NAV2: variants seen among roughly 807,000 people sequenced by gnomAD.
NAV2 encodes the protein neuron navigator 2.
A neutral mutation model predicts 223.2 loss-of-function variants in NAV2; 54 were observed. That is an observed-to-expected ratio of 0.24 (90% confidence interval 0.19 to 0.30). NAV2 has a LOEUF of 0.30. Among genes scored for constraint, NAV2 ranks in the 10% least tolerant of loss-of-function variants. NAV2 has a pLI of 1.00. For missense variants in NAV2, 2,806 were observed against 3,147.5 expected, an observed-to-expected ratio of 0.89 and a Z score of 2.60; for synonymous variants, 1,279 against 1,239.3, an observed-to-expected ratio of 1.03 and a Z score of -0.67.
At chr11:19,723,414 T>G (rs1281524599) in intron 1 of NAV2, among the ~76,000 whole-genome samples, 3 of 152,124 alleles carry the variant, frequency 2.0e-5, no homozygotes, top group Non-Finnish European at 2.9e-5. Context: ...TGAACTGAGG[T>G]CTTTCTGATT....
At chr11:19,418,749 C>G (rs2702737) in intron 1 of NAV2, among the ~76,000 whole-genome samples, 4 of 151,916 alleles carry the variant, frequency 2.6e-5, no homozygotes, top group Non-Finnish European at 4.4e-5. Flanking sequence ...TTCTAAGGGT[C>G]GTCCAAAGCC....
intron 1 of NAV2, among the ~76,000 whole-genome samples, chr11:19,782,923 C>A (rs373975266): frequency 6.6e-5 from 10 of 152,088 alleles, no homozygotes; most frequent in African/African-American, 2.2e-4. Context: ...GCCCTTGTGA[C>A]CAGAAATAAT....
chr11:20,033,901 T>C (rs1323833040), intron 11 of NAV2, among the ~76,000 whole-genome samples: 1 of 152,194 alleles, frequency 6.6e-6, no homozygotes, highest in Non-Finnish European at 1.5e-5. Flanking sequence ...TGCCACTTTG[T>C]AGGGCTTTCA....
At chr11:19,757,074 T>C (rs1484497229) in intron 1 of NAV2, among the ~76,000 whole-genome samples, 1 of 152,186 alleles carries the variant, frequency 6.6e-6, no homozygotes, top group Non-Finnish European at 1.5e-5. Context: ...CTGTGCCAGC[T>C]GGAAACTGTT....
At chr11:19,867,926 G>A (rs768253409) in intron 3 of NAV2, among the ~76,000 whole-genome samples, 2 of 152,190 alleles carry the variant, frequency 1.3e-5, no homozygotes, top group Non-Finnish European at 2.9e-5. Context: ...CATTTTCTGT[G>A]GCTGTGAAGG....
chr11:19,642,810 G>A (rs552288852), intron 1 of NAV2, among the ~76,000 whole-genome samples: 1 of 152,202 alleles, frequency 6.6e-6, no homozygotes, highest in South Asian at 2.1e-4. Flanking sequence ...GTTAATGTGG[G>A]CACCCATGGC....
Position 19,481,826 on chromosome 11 carries a change from A to G in NAV2, c.75+130799A>G, listed in dbSNP as rs558283673. On this transcript the variant is annotated intron_variant, in intron 1 of 37. Transcript: ENST00000360655. ...GCTTAAAGGCCACTAAATATCTACA[A>G]TGTCTCACAGTTGGCCCACAAAGGT... Among the ~76,000 whole-genome samples, 9 of 152,318 alleles carry G rather than the reference A, an allele frequency of 5.9e-5. 1 individual carries two copies. Among genetic ancestry groups the G allele is most frequent in the East Asian group, 3.9e-4 (2 of 5,180 alleles).
At chr11:19,953,760 A>G (rs1053217230) in intron 10 of NAV2, among the ~76,000 whole-genome samples, 4 of 152,248 alleles carry the variant, frequency 2.6e-5, no homozygotes, top group Admixed American at 1.3e-4. Flanking sequence ...GGCTCTGCCA[A>G]GTGAACTGGA....
chr11:20,046,131 C>T (rs1408138279), intron 14 of NAV2, among the ~76,000 whole-genome samples: 5 of 152,046 alleles, frequency 3.3e-5, no homozygotes, highest in South Asian at 2.1e-4. Flanking sequence ...GTCAGGAGTT[C>T]GAGACCAGCC....
intron 3 of NAV2, among the ~76,000 whole-genome samples, chr11:19,845,008 A>G (rs755463367): frequency 2.1e-4 from 32 of 152,156 alleles, no homozygotes; most frequent in Non-Finnish European, 2.5e-4. Context: ...TTCTGTAGGA[A>G]ATGAATAGGA....
At chr11:20,076,985 T>C (rs1011471386) in intron 22 of NAV2, among the ~76,000 whole-genome samples, 21 of 152,190 alleles carry the variant, frequency 1.4e-4, no homozygotes, top group African/African-American at 4.8e-4. Context: ...GGCTTTTTAT[T>C]AACCAGGATT....
In NAV2 at chr11:19,397,108, G is replaced by C. The variant is rs77548800; in HGVS notation, c.75+46081G>C. The stretch of plus-strand genomic sequence containing the variant: ...TCATTGATAGAACCAGGGGTGGTTG[G>C]CATGGCCGGGAGAAAACCCAGAGGG... On this transcript the variant is annotated intron_variant, in intron 1 of 37. Transcript: ENST00000360655. 2.6e-5 allele frequency among the ~76,000 whole-genome samples: 4 copies of C among 152,180 alleles called. No homozygotes were observed. In the East Asian group the frequency reaches 7.7e-4, roughly 29 times the overall value.
At chr11:19,679,270 A>G (rs932228243) in intron 1 of NAV2, among the ~76,000 whole-genome samples, 6 of 152,054 alleles carry the variant, frequency 3.9e-5, no homozygotes. Flanking sequence ...ATCTCTACTA[A>G]AAATACAAAA....
At chr11:19,373,799 G>T (rs979948076) in intron 1 of NAV2, among the ~76,000 whole-genome samples, 1 of 152,170 alleles carries the variant, frequency 6.6e-6, no homozygotes, top group Non-Finnish European at 1.5e-5. Flanking sequence ...GCTGCATGTG[G>T]CCTGGGGCCA....
chr11:20,116,551 A>G (rs2063108564), intron 37 of NAV2, among the ~76,000 whole-genome samples: 1 of 152,218 alleles, frequency 6.6e-6, no homozygotes, highest in South Asian at 2.1e-4. Context: ...TTACATAGAA[A>G]ATAGAATTTA....
Position 19,933,831 on chromosome 11 carries a change from G to T in NAV2, c.1587G>T (p.Val529=). Reference sequence around the variant, plus strand: ...AAGAAGACCCCAGTGGAGCAGCTGTGCCCGAGATGCCAAAAAAGTCCTCCA... The same window carrying T: ...AAGAAGACCCCAGTGGAGCAGCTGTTCCCGAGATGCCAAAAAAGTCCTCCA... ...EPKEDPSGAA[V]PEMPKKSSKI... The change falls in exon 7 of 38, where the codon GTG becomes GTT. Residue 529 remains valine (V), a synonymous_variant. Transcript: ENST00000349880. This position sits in a 1 kb window ranked among gnomAD's most constrained non-coding sequence, Gnocchi z 4.3. 3 of 1,609,960 alleles carry T rather than the reference G, an allele frequency of 1.9e-6. No individual in the cohort carries two copies. Among genetic ancestry groups the T allele is most frequent in the Non-Finnish European group, 2.5e-6 (3 of 1,178,932 alleles).
Position 19,378,905 on chromosome 11 carries a change from G to A in NAV2, c.75+27878G>A, listed in dbSNP as rs564042952. Reference sequence around the variant, plus strand: ...CTTCCAGTTGTCCCACCCCAGGCTCGGTGCTGGGCATGTGGAGAAATTAAG... The same window carrying A: ...CTTCCAGTTGTCCCACCCCAGGCTCAGTGCTGGGCATGTGGAGAAATTAAG... On this transcript the variant is annotated intron_variant, in intron 1 of 37. Coordinates refer to the NAV2 transcript ENST00000360655. Among the ~76,000 whole-genome samples, 36 of 152,324 alleles carry A rather than the reference G, an allele frequency of 2.4e-4. No homozygotes were observed. The South Asian group carries it at 6.8e-3, about 29-fold the overall frequency.
At chr11:19,619,550 A>G (rs2046918681) in intron 1 of NAV2, among the ~76,000 whole-genome samples, 1 of 152,152 alleles carries the variant, frequency 6.6e-6, no homozygotes, top group Non-Finnish European at 1.5e-5. Flanking sequence ...TGGCTGCATA[A>G]ATGTCTTCTT....
chr11:20,083,808 G>A (rs1430277191), intron 26 of NAV2, among the ~76,000 whole-genome samples: 4 of 152,172 alleles, frequency 2.6e-5, no homozygotes, highest in East Asian at 1.9e-4. Flanking sequence ...TGGATTCTTG[G>A]GAAGGCCAAG....
Sources: allele counts gnomAD v4.1 joint callset (sites outside exome capture counted in the v4.1 genomes callset), GRCh38; gene constraint gnomAD v4.1.1; non-coding constraint Gnocchi (gnomAD v3.1); transcripts MANE v1.5; gene names NCBI Gene and HGNC (gene_info 2026-07-23, HGNC 2026-07-21).